The following PIK3R2 variants were observed in gnomAD, a reference collection of about 807,000 sequenced individuals.
PIK3R2 encodes the protein phosphatidylinositol 3-kinase regulatory subunit beta.
A neutral mutation model predicts 78.5 loss-of-function variants in PIK3R2; 40 were observed. The observed-to-expected ratio is 0.51, with a 90% CI of 0.40 to 0.66. The LOEUF (loss-of-function observed/expected upper bound fraction) is 0.66. Among genes scored for constraint, PIK3R2 ranks in the 30% least tolerant of loss-of-function variants. The pLI, the probability that PIK3R2 is intolerant of heterozygous loss-of-function variation, is 0.00. For missense variants in PIK3R2, 880 were observed against 1,026.6 expected (o/e 0.86, Z 1.95); for synonymous variants, 473 against 457.7 (o/e 1.03, Z -0.43).
Position 18,155,998 on chromosome 19 carries a change from C to T in PIK3R2, c.119C>T (p.Ala40Val), listed in dbSNP as rs750411325. 1.3e-5 allele frequency: 21 copies of T among 1,559,246 alleles called. 1 individual carries two copies. Among genetic ancestry groups the T allele is most frequent in the African/African-American group, 2.7e-5 (2 of 73,468 alleles). Residue 40 changes from alanine (A) to valine (V), a missense_variant, in exon 2 of 16, where the codon GCG (alanine) becomes GTG (valine). Physicochemically the swap from Ala to Val is moderately conservative, Grantham distance 64. This residue lies in a region of PIK3R2 where 456 missense variants were observed against 486.6 expected (regional missense o/e 0.94). Transcript: ENST00000222254. ...GTAGTGAGCCGGGCGGCCTTGCAGG[C>T]GCTGGGCGTGGCCGAGGGTGGCGAG... Reference protein sequence around the residue: ...VLVVSRAALQALGVAEGGERC... With the variant: ...VLVVSRAALQVLGVAEGGERC...
chr19:18,168,672 G>A lies in PIK3R2; in HGVS notation c.1809-54G>A. On this transcript the variant is annotated intron_variant, in intron 14 of 15. Coordinates refer to ENST00000222254, the MANE Select transcript of PIK3R2 (RefSeq NM_005027.4). The surrounding 1 kb of genome is among the most constrained non-coding windows in gnomAD (Gnocchi z 4.1). ...GTTGTCCAGGCAGCTGGGGAGCCTC[G>A]GAGGCTGGCAGGTGAGTGACCAGGG... 2.0e-6 allele frequency: 3 copies of A among 1,474,750 alleles called. No individual in the cohort carries two copies. The highest frequency in any genetic ancestry group is 2.8e-6 in the Non-Finnish European group (3 of 1,055,966). 91.4% of individuals were successfully genotyped at this position (1,474,750 alleles called of 1,614,324 possible). A position where few individuals can be genotyped will look rare whatever the true frequency, so the allele number is the denominator to read the frequency against.
chr19:18,162,731 A>T (rs948178051), intron 9 of PIK3R2: 6 of 598,276 alleles, frequency 1.0e-5, no homozygotes, highest in African/African-American at 7.6e-5. Flanking sequence ...TAAAAAATTA[A>T]AAAAAAAAAT....
At position 18,161,932 on chromosome 19, in the gene PIK3R2, A is replaced by ACCCAGCCCTCACCACACTC; in HGVS notation, c.816-30_816-12dup. 1 of 1,580,122 alleles carries ACCCAGCCCTCACCACACTC rather than the reference A, an allele frequency of 6.3e-7. No homozygotes were observed. The highest frequency in any genetic ancestry group is 1.1e-5 in the South Asian group (1 of 90,428). ...GCACATGCGTGGGCGGACAGGCCCT[A>ACCCAGCCCTCACCACACTC]CCCAGCCCTCACCACACTCCCCTTC... On this transcript the variant is annotated intron_variant, in intron 6 of 15. Coordinates refer to ENST00000222254, the MANE Select transcript of PIK3R2 (RefSeq NM_005027.4). The surrounding 1 kb of genome is among the most constrained non-coding windows in gnomAD (Gnocchi z 5.3).
At position 18,170,413 on chromosome 19, in the gene PIK3R2, T is replaced by C. The variant is rs1967159639; in HGVS notation, c.*1119T>C. ...GCAAAACCCTCTTTCCTCTCCTCTT[T>C]TGGGACAAGAGCCCTGGTTTTCTAC... is the stretch of plus-strand genomic sequence containing the variant. On this transcript the variant is annotated 3_prime_UTR_variant, in exon 16 of 16. Transcript: ENST00000222254. 6.6e-6 allele frequency: 1 copy of C among 152,126 alleles called. No individual in the cohort carries two copies. Among genetic ancestry groups the C allele is most frequent in the Non-Finnish European group, 1.5e-5 (1 of 68,028 alleles). The allele number at this position is 152,126 out of a possible 1,614,324, so 9.4% of individuals were successfully genotyped here. A position where few individuals can be genotyped will look rare whatever the true frequency, so the allele number is the denominator to read the frequency against.
chr19:18,157,886 A>G (rs954375899), intron 2 of PIK3R2, among the ~76,000 whole-genome samples: 4 of 152,148 alleles, frequency 2.6e-5, no homozygotes, highest in African/African-American at 9.7e-5. Context: ...GCAGCGTCCA[A>G]TGGTGGCAGA....
In PIK3R2 at chr19:18,162,421, G is replaced by A. The variant is rs1260910794; in HGVS notation, c.1024G>A (p.Glu342Lys). The stretch of plus-strand genomic sequence containing the variant: ...ATGTTCCCACAGGGAGGAGGTGAAC[G>A]AGAAACTCCGGGACACTCCCGATGG... ...WGDISREEVN[E>K]KLRDTPDGTF... The change falls in exon 9 of 16, where the codon GAG (glutamate) becomes AAG (lysine). Residue 342 changes from glutamate to lysine, a missense_variant. By Grantham distance (56) the Glu-to-Lys change is moderately conservative. Transcript: ENST00000222254. 1.2e-6 allele frequency: 2 copies of A among 1,613,494 alleles called. No individual in the cohort carries two copies. The highest frequency in any genetic ancestry group is 1.1e-5 in the South Asian group (1 of 91,082).
At position 18,168,707 on chromosome 19, in the gene PIK3R2, C is replaced by A; in HGVS notation, c.1809-19C>A. 1.3e-6 allele frequency: 2 copies of A among 1,593,524 alleles called. No homozygotes were observed. The highest frequency in any genetic ancestry group is 1.1e-5 in the South Asian group (1 of 90,582). ...AGGTGAGTGACCAGGGCCCTCCCCG[C>A]CACCGCCCCCCACCCCAGCCAGTAC... On this transcript the variant is annotated intron_variant, in intron 14 of 15. Coordinates refer to ENST00000222254, the MANE Select transcript of PIK3R2 (RefSeq NM_005027.4). The surrounding 1 kb of genome is among the most constrained non-coding windows in gnomAD (Gnocchi z 4.1).
At position 18,167,892 on chromosome 19, in the gene PIK3R2, G is replaced by A. The variant is rs780015967; in HGVS notation, c.1737-583G>A. 4.6e-5 allele frequency among the ~76,000 whole-genome samples: 7 copies of A among 151,898 alleles called. No homozygotes were observed. Among genetic ancestry groups the A allele is most frequent in the Non-Finnish European group, 5.9e-5 (4 of 67,972 alleles). On this transcript the variant is annotated intron_variant, in intron 13 of 15. Transcript: ENST00000222254. The surrounding 1 kb of genome is among the most constrained non-coding windows in gnomAD (Gnocchi z 4.5). ...AAAGAAAAGAAAAAAAAAATCGCCT[G>A]CTGTGCAACCTACCATGCTGGGTGG...
At position 18,169,634 on chromosome 19, in the gene PIK3R2, T is replaced by G; in HGVS notation, c.*340T>G. The G allele has an allele frequency of 1.2e-5, 3 of 249,468 alleles. No individual in the cohort carries two copies. Among genetic ancestry groups the G allele is most frequent in the Non-Finnish European group, 1.5e-5 (2 of 129,046 alleles). 15.5% of individuals were successfully genotyped at this position (249,468 alleles called of 1,614,324 possible). ...CCTGCCCACCGCAGGTCCCCCGGGG[T>G]CCCGGAAGCCCCTTCTGGCTGCACC... is the stretch of plus-strand genomic sequence containing the variant. On this transcript the variant is annotated 3_prime_UTR_variant, in exon 16 of 16. Transcript: ENST00000222254.
At chr19:18,160,897 C>G in intron 3 of PIK3R2, 22 bp from the exon 4 acceptor site, 1 of 1,598,036 alleles carries the variant, frequency 6.3e-7, no homozygotes, top group Non-Finnish European at 8.5e-7. Flanking sequence ...AGAGCTGACT[C>G]GCCTGTCCCC....
In PIK3R2 at chr19:18,169,147, G is replaced by C. The variant is rs753227634; in HGVS notation, c.2040G>C (p.Ala680=). 1 of 1,611,598 alleles carries C rather than the reference G, an allele frequency of 6.2e-7. No homozygotes were observed. Among genetic ancestry groups the C allele is most frequent in the Non-Finnish European group, 8.5e-7 (1 of 1,179,858 alleles). ...GCACGGCCACCGGCTTCGGCTTCGC[G>C]GAGCCCTACAACCTGTACGGGTCGC... The part of the protein sequence containing the change: ...IYRTATGFGF[A]EPYNLYGSLK... The change falls in exon 16 of 16, where the codon GCG becomes GCC. Residue 680 remains alanine, a synonymous_variant. Coordinates refer to ENST00000222254, the MANE Select transcript of PIK3R2 (RefSeq NM_005027.4).
rs1229235239 is a variant in PIK3R2 at position 18,168,887 on chromosome 19, G to A, written c.1970G>A (p.Cys657Tyr). Reference sequence around the variant, plus strand: ...AGCAGCCAGCGGGGCTGCTACGCCTGCTCCGTGGTGTGAGTGGACCGCAGC... The same window carrying A: ...AGCAGCCAGCGGGGCTGCTACGCCTACTCCGTGGTGTGAGTGGACCGCAGC... Reference protein sequence around the residue: ...RESSQRGCYACSVVVDGDTKH... With the variant: ...RESSQRGCYAYSVVVDGDTKH... The change falls in exon 15 of 16, where the codon TGC becomes TAC. Residue 657 changes from cysteine (C) to tyrosine (Y), a missense_variant. Transcript: ENST00000222254. The surrounding 1 kb of genome is among the most constrained non-coding windows in gnomAD (Gnocchi z 4.1). The A allele has an allele frequency of 1.9e-6, 3 of 1,612,532 alleles. No individual in the cohort carries two copies. The highest frequency in any genetic ancestry group is 2.5e-6 in the Non-Finnish European group (3 of 1,179,326).
Position 18,168,362 on chromosome 19 carries a change from A to C in PIK3R2, c.1737-113A>C. On this transcript the variant is annotated intron_variant, in intron 13 of 15. Transcript: ENST00000222254. This position sits in a 1 kb window ranked among gnomAD's most constrained non-coding sequence, Gnocchi z 4.1. ...CTGCCCTCTTGTGGCAACCGGAGATATTGTACCCAGAACCCTCTCTCCTCA... is the reference window on the plus strand; with the variant it reads ...CTGCCCTCTTGTGGCAACCGGAGATCTTGTACCCAGAACCCTCTCTCCTCA... 2 of 687,760 alleles carry C rather than the reference A, an allele frequency of 2.9e-6. No individual in the cohort carries two copies. The highest frequency in any genetic ancestry group is 3.1e-5 in the South Asian group (2 of 64,054). The allele number at this position is 687,760 out of a possible 1,614,324, so 42.6% of individuals were successfully genotyped here.
Position 18,156,224 on chromosome 19 carries a change from G to A in PIK3R2, c.322+23G>A. The A allele has an allele frequency of 6.9e-7, 1 of 1,456,552 alleles. No individual in the cohort carries two copies. Among genetic ancestry groups the A allele is most frequent in the Non-Finnish European group, 9.0e-7 (1 of 1,107,344 alleles). 90.2% of individuals were successfully genotyped at this position (1,456,552 alleles called of 1,614,324 possible). A position where few individuals can be genotyped will look rare whatever the true frequency, so the allele number is the denominator to read the frequency against. ...CAGGTGAGCAGCAAGCAGGGGCCCT[G>A]GAAAGGGGGGTGGTCCCCTCAGACC... is the stretch of plus-strand genomic sequence containing the variant. On this transcript the variant is annotated intron_variant, in intron 2 of 15. Transcript: ENST00000222254. This position sits in a 1 kb window ranked among gnomAD's most constrained non-coding sequence, Gnocchi z 4.2.
rs2043767293 is a variant in PIK3R2 at position 18,162,995 on chromosome 19, G to A, written c.1138G>A (p.Val380Ile). The change falls in exon 10 of 16, where the codon GTC becomes ATC. Residue 380 changes from valine (V) to isoleucine (I), a missense_variant. Physicochemically the swap from Val to Ile is conservative, Grantham distance 29. This residue lies in a region of PIK3R2 where 156 missense variants were observed against 241.0 expected (regional missense o/e 0.65). Transcript: ENST00000222254. ...AGGCGGGAACAATAAGCTGATCAAG[G>A]TCTTCCACCGAGATGGGCACTATGG... ...RKGGNNKLIK[V>I]FHRDGHYGFS... The A allele has an allele frequency of 1.2e-6, 2 of 1,613,508 alleles. No individual in the cohort carries two copies. Among genetic ancestry groups the A allele is most frequent in the Non-Finnish European group, 1.7e-6 (2 of 1,179,850 alleles).
chr19:18,168,634 C>T lies in PIK3R2; in HGVS notation c.1808+88C>T. 2.7e-6 allele frequency: 3 copies of T among 1,113,598 alleles called. No homozygotes were observed. Among genetic ancestry groups the T allele is most frequent in the Admixed American group, 1.8e-5 (1 of 56,108 alleles). 69.0% of individuals were successfully genotyped at this position (1,113,598 alleles called of 1,614,324 possible). A position where few individuals can be genotyped will look rare whatever the true frequency, so the allele number is the denominator to read the frequency against. ...GTTTCGAAGAATGAGTAGGAGTTCA[C>T]CAGGGAGGAAAAGTTGTCCAGGCAG... On this transcript the variant is annotated intron_variant, in intron 14 of 15. Coordinates refer to ENST00000222254, the MANE Select transcript of PIK3R2 (RefSeq NM_005027.4). This position sits in a 1 kb window ranked among gnomAD's most constrained non-coding sequence, Gnocchi z 4.1.
At chr19:18,158,451 A>T (rs2043701961) in intron 2 of PIK3R2, among the ~76,000 whole-genome samples, 1 of 150,486 alleles carries the variant, frequency 6.6e-6, no homozygotes, top group Non-Finnish European at 1.5e-5. Flanking sequence ...AGATCATGCC[A>T]CTGCACACCA....
chr19:18,157,416 A>G (rs2043688906), intron 2 of PIK3R2, among the ~76,000 whole-genome samples: 1 of 152,170 alleles, frequency 6.6e-6, no homozygotes, highest in African/African-American at 2.4e-5. Flanking sequence ...TTCCAGGGTT[A>G]TGTGACCTCG....
rs1462498099 is a variant in PIK3R2 at position 18,161,653 on chromosome 19, C to T, written c.815+158C>T. ...TGTGATGACGGAGCGGAGACCTGGG[C>T]TCCTGAGTCGTGGGACAGAAGGTGA... On this transcript the variant is annotated intron_variant, in intron 6 of 15. Coordinates refer to ENST00000222254, the MANE Select transcript of PIK3R2 (RefSeq NM_005027.4). This position sits in a 1 kb window ranked among gnomAD's most constrained non-coding sequence, Gnocchi z 5.3. 6.6e-6 allele frequency among the ~76,000 whole-genome samples: 1 copy of T among 152,182 alleles called. No individual in the cohort carries two copies. Among genetic ancestry groups the T allele is most frequent in the African/African-American group, 2.4e-5 (1 of 41,448 alleles).
Sources: gnomAD v4.1 joint callset for allele counts (sites outside exome capture counted in the v4.1 genomes callset) on GRCh38, gnomAD v4.1.1 for gene constraint, gnomAD v4.1.1 regional missense constraint, Gnocchi (gnomAD v3.1) non-coding constraint, MANE v1.5 for transcripts, NCBI Gene and HGNC (gene_info 2026-07-23, HGNC 2026-07-21) for gene names.